Variants in RAD54B observed in about 807,000 individuals in gnomAD.
RAD54B encodes the protein DNA repair and recombination protein RAD54B.
In RAD54B, 78 loss-of-function variants were observed where a neutral mutation model predicts 95.8. The observed-to-expected ratio is 0.81, with a 90% CI of 0.68 to 0.98. The LOEUF is 0.98. RAD54B is among the 50% of genes least tolerant of loss of function. The pLI is 0.00. For missense variants in RAD54B, 957 were observed against 1,056.6 expected (o/e 0.91, Z 1.31); for synonymous variants, 328 against 354.9 (o/e 0.92, Z 0.85).
At chr8:94,467,371 T>C (rs766237984) in intron 2 of RAD54B, 34 bp downstream of exon 2, 2 of 1,544,072 alleles carry the variant, frequency 1.3e-6, no homozygotes, top group Non-Finnish European at 1.8e-6. Flanking sequence ...TGCTTCTCTA[T>C]ATTATCTATA....
At chr8:94,432,116 G>T in intron 3 of RAD54B, 1 of 1,510,802 alleles carries the variant, frequency 6.6e-7, no homozygotes. Context: ...CAAATTGCAA[G>T]ATTGAAAAAA....
chr8:94,428,731 T>G, intron 3 of RAD54B: 1 of 980,990 alleles, frequency 1.0e-6, no homozygotes, highest in Non-Finnish European at 1.2e-6. Flanking sequence ...GAAAGCCAAG[T>G]GTACATTCCA....
Position 94,467,399 on chromosome 8 carries a change from C to T in RAD54B, c.135+6G>A. The T allele has an allele frequency of 2.5e-6, 4 of 1,593,288 alleles. No homozygotes were observed. In the South Asian group the frequency reaches 4.5e-5, roughly 18 times the overall value. On this transcript the variant is annotated splice_donor_region_variant and intron_variant, in intron 2 of 14. Transcript: ENST00000336148. Reference sequence around the variant, plus strand: ...TATCTATATCATGAGTCTTTTTTTGCCTTACCTCAAATAATTTTATATCTG... The same window carrying T: ...TATCTATATCATGAGTCTTTTTTTGTCTTACCTCAAATAATTTTATATCTG...
At chr8:94,416,511 TATA>T (rs993391848) in intron 3 of RAD54B, among the ~76,000 whole-genome samples, 1 of 147,690 alleles carries the variant, frequency 6.8e-6, no homozygotes, top group Admixed American at 6.7e-5. Flanking sequence ...AAACTTAAAG[TATA>T]ATAATAATAA....
chr8:94,418,360 G>A (rs1187567130), intron 3 of RAD54B, among the ~76,000 whole-genome samples: 1 of 152,162 alleles, frequency 6.6e-6, no homozygotes, highest in Non-Finnish European at 1.5e-5. Context: ...ACGAAAGGTT[G>A]TATCAATGAT....
At chr8:94,456,779 T>C (rs762605220) in intron 3 of RAD54B, among the ~76,000 whole-genome samples, 2 of 152,150 alleles carry the variant, frequency 1.3e-5, no homozygotes, top group Admixed American at 1.3e-4. Context: ...TCTCTATGCT[T>C]TTCTATATGC....
chr8:94,420,122 C>G (rs898086807), intron 3 of RAD54B, among the ~76,000 whole-genome samples: 1 of 152,012 alleles, frequency 6.6e-6, no homozygotes, highest in Admixed American at 6.6e-5. Flanking sequence ...GTACATTCCA[C>G]AATGTTCACA....
At chr8:94,453,927 G>T (rs936946324) in intron 3 of RAD54B, among the ~76,000 whole-genome samples, 1 of 152,008 alleles carries the variant, frequency 6.6e-6, no homozygotes, top group Non-Finnish European at 1.5e-5. Flanking sequence ...AAGTAGCTGG[G>T]ATTACAGGTG....
intron 8 of RAD54B, 81 bp from the exon 9 acceptor site, chr8:94,393,963 G>T: frequency 8.0e-7 from 1 of 1,250,726 alleles, no homozygotes; most frequent in Non-Finnish European, 1.1e-6. Context: ...AACCACAATG[G>T]AAGTTTGGAG....
chr8:94,385,107 T>TA (rs1176645193), intron 11 of RAD54B, among the ~76,000 whole-genome samples: 2 of 152,136 alleles, frequency 1.3e-5, no homozygotes, highest in Admixed American at 6.5e-5. Flanking sequence ...TATCTCAAGA[T>TA]AAAGAGAAAA....
intron 3 of RAD54B, among the ~76,000 whole-genome samples, chr8:94,419,833 G>A (rs888136675): frequency 6.7e-6 from 1 of 149,170 alleles, no homozygotes; most frequent in African/African-American, 2.5e-5. Context: ...ACACTTACTA[G>A]AAATTATTAA....
At chr8:94,416,630 A>G (rs1436108795) in intron 3 of RAD54B, among the ~76,000 whole-genome samples, 2 of 152,184 alleles carry the variant, frequency 1.3e-5, no homozygotes, top group African/African-American at 2.4e-5. Context: ...AGCACATAAA[A>G]AGATATTTAA....
chr8:94,468,597 G>T (rs181490971), intron 1 of RAD54B, among the ~76,000 whole-genome samples: 414 of 151,988 alleles, frequency 2.7e-3, no homozygotes, highest in African/African-American at 9.6e-3. Context: ...AGGCCGAGGC[G>T]GGCGGATCAC....
Position 94,400,414 on chromosome 8 carries a change from T to C in RAD54B, c.994A>G (p.Lys332Glu). The C allele has an allele frequency of 1.9e-6, 3 of 1,613,554 alleles. No individual in the cohort carries two copies. The highest frequency in any genetic ancestry group is 2.5e-6 in the Non-Finnish European group (3 of 1,179,758). ...ATGAGCGAAATACATTGCAATGTCTTCCCTAAACCCATTTCATCAGCAAGA... is the reference window on the plus strand; with the variant it reads ...ATGAGCGAAATACATTGCAATGTCTCCCCTAAACCCATTTCATCAGCAAGA... ...AILADEMGLGKTLQCISLIWT... is the reference protein window; with the variant it reads ...AILADEMGLGETLQCISLIWT... Residue 332 changes from lysine to glutamate, a missense_variant, in exon 7 of 15, where the codon AAG becomes GAG. Physicochemically the swap from Lys to Glu is moderately conservative, Grantham distance 56. Coordinates refer to ENST00000336148, the MANE Select transcript of RAD54B (RefSeq NM_012415.3).
intron 3 of RAD54B, among the ~76,000 whole-genome samples, chr8:94,450,750 G>A (rs1336216357): frequency 6.6e-6 from 1 of 151,922 alleles, no homozygotes; most frequent in Non-Finnish European, 1.5e-5. Flanking sequence ...TGTGGTGGTG[G>A]ACGCTTGTAG....
chr8:94,464,665 T>C (rs1336482522), intron 2 of RAD54B, among the ~76,000 whole-genome samples: 2 of 152,170 alleles, frequency 1.3e-5, no homozygotes, highest in East Asian at 3.9e-4. Context: ...AACCACTGAG[T>C]TGTAGTAAGT....
intron 3 of RAD54B, among the ~76,000 whole-genome samples, chr8:94,442,389 G>A (rs948475360): frequency 1.3e-5 from 2 of 152,026 alleles, no homozygotes; most frequent in Non-Finnish European, 2.9e-5. Context: ...TGGCTAACAT[G>A]GTGAAACCCC....
intron 10 of RAD54B, among the ~76,000 whole-genome samples, chr8:94,389,048 G>A (rs1334661854): frequency 6.6e-6 from 1 of 152,184 alleles, no homozygotes; most frequent in Non-Finnish European, 1.5e-5. Context: ...ATGAAAGAAC[G>A]TCCCCAGGGA....
intron 1 of RAD54B, among the ~76,000 whole-genome samples, chr8:94,470,040 T>C (rs1018244431): frequency 1.3e-5 from 2 of 152,200 alleles, no homozygotes; most frequent in African/African-American, 4.8e-5. Flanking sequence ...CAAAACACTA[T>C]TTAACATAAG....
Sources: allele counts gnomAD v4.1 joint callset (sites outside exome capture counted in the v4.1 genomes callset), GRCh38; gene constraint gnomAD v4.1.1; transcripts MANE v1.5; gene names NCBI Gene and HGNC (gene_info 2026-07-23, HGNC 2026-07-21).